MAP4: variants seen among roughly 807,000 people sequenced by gnomAD.
MAP4 encodes microtubule associated protein 4, also known as microtubule-associated protein 4.
A neutral mutation model predicts 170.2 loss-of-function variants in MAP4; 76 were observed. The ratio of observed to expected loss-of-function variants is 0.45; its 90% CI spans 0.37 to 0.54. MAP4 has a LOEUF of 0.54. Ranked by LOEUF, MAP4 falls within the 20% of genes least tolerant of loss-of-function variation. The probability of loss-of-function intolerance (pLI) is 0.00; values close to 1 mark genes in which losing one functional copy is unlikely to be tolerated. For missense variants in MAP4, 2,506 were observed against 2,748.0 expected, an observed-to-expected ratio of 0.91 and a Z score of 1.97; for synonymous variants, 909 against 994.5, an observed-to-expected ratio of 0.91 and a Z score of 1.62.
chr3:47,869,357 C>T, intron 15 of MAP4, 30 bp from the exon 16 acceptor site: 2 of 1,451,888 alleles, frequency 1.4e-6, no homozygotes, highest in South Asian at 1.1e-5. Flanking sequence ...GGGCAAATTT[C>T]AAACCAAGAG....
intron 2 of MAP4, among the ~76,000 whole-genome samples, chr3:47,984,767 G>C (rs548292985): frequency 5.1e-4 from 77 of 151,984 alleles, no homozygotes; most frequent in African/African-American, 1.8e-3. Context: ...TCAGGAGTTC[G>C]AGACTAGCCT....
Position 47,855,656 on chromosome 3 carries a change from G to A in MAP4, c.6584-296C>T, listed in dbSNP as rs1037905486. ...CAGGCTTGGGCAGGCCTGGGGCTCC[G>A]AGCACAGCCTCCAGGGCGAAGCCTC... On this transcript the variant is annotated intron_variant, in intron 18 of 20. Transcript: ENST00000683076. This position sits in a 1 kb window ranked among gnomAD's most constrained non-coding sequence, Gnocchi z 5.1. Among the ~76,000 whole-genome samples the A allele has an allele frequency of 2.0e-4, 31 of 152,300 alleles. No individual in the cohort carries two copies. The highest frequency in any genetic ancestry group is 6.7e-4 in the African/African-American group (28 of 41,570).
chr3:48,034,527 ACC>A (rs546363612), intron 1 of MAP4, among the ~76,000 whole-genome samples: 3 of 151,738 alleles, frequency 2.0e-5, no homozygotes, highest in African/African-American at 7.3e-5. Context: ...ACATAGTGAA[ACC>A]CCGTCTCTAC....
chr3:47,981,639 G>A (rs758393164), intron 2 of MAP4, among the ~76,000 whole-genome samples: 4 of 151,556 alleles, frequency 2.6e-5, no homozygotes, highest in Non-Finnish European at 5.9e-5. Context: ...GCATAGTGGC[G>A]TGTGAATCAC....
chr3:47,921,628 T>G, intron 5 of MAP4, 137 bp downstream of exon 5: 1 of 605,878 alleles, frequency 1.7e-6, no homozygotes, highest in East Asian at 2.7e-5. Flanking sequence ...ATGTACATAT[T>G]AAATTCACAT....
chr3:48,013,860 G>T (rs1416689366), intron 1 of MAP4, among the ~76,000 whole-genome samples: 1 of 152,100 alleles, frequency 6.6e-6, no homozygotes, highest in African/African-American at 2.4e-5. Context: ...CACTCTGCCA[G>T]AAAATAAGCC....
intron 1 of MAP4, among the ~76,000 whole-genome samples, chr3:48,056,941 T>G (rs866333824): frequency 1.3e-3 from 73 of 58,066 alleles, no homozygotes; most frequent in African/African-American, 3.0e-3. Flanking sequence ...AGGTGGGGGG[T>G]TCAGCCCCCC....
rs77197843 is a variant in MAP4 at position 47,903,623 on chromosome 3, C to G, written c.5384-623G>C. 2.3e-3 allele frequency among the ~76,000 whole-genome samples: 352 copies of G among 152,028 alleles called. 1 individual carries two copies. The highest frequency in any genetic ancestry group is 6.9e-3 in the Middle Eastern group (2 of 288). ...AATCTTCCCTGCCTGGAAGAACATGCATAGTATGCAAAGAAACCTTCTGTT... is the reference window on the plus strand; with the variant it reads ...AATCTTCCCTGCCTGGAAGAACATGGATAGTATGCAAAGAAACCTTCTGTT... On this transcript the variant is annotated intron_variant, in intron 9 of 20. Coordinates refer to ENST00000683076, the MANE Select transcript of MAP4 (RefSeq NM_001385682.1).
chr3:48,061,011 A>AT (rs1301372914), intron 1 of MAP4, among the ~76,000 whole-genome samples: 2 of 151,454 alleles, frequency 1.3e-5, no homozygotes, highest in Non-Finnish European at 2.9e-5. Flanking sequence ...CGCCCGGCTA[A>AT]TTTTTTTGTA....
At chr3:48,054,307 A>C (rs2100129457) in intron 1 of MAP4, among the ~76,000 whole-genome samples, 1 of 151,416 alleles carries the variant, frequency 6.6e-6, no homozygotes, top group Non-Finnish European at 1.5e-5. Context: ...AAAAAACAAA[A>C]AAAACAAAAA....
chr3:47,940,016 T>C (rs1311888278), intron 3 of MAP4, among the ~76,000 whole-genome samples: 2 of 152,072 alleles, frequency 1.3e-5, no homozygotes, highest in Non-Finnish European at 2.9e-5. Context: ...TTTTGTACTT[T>C]TAGTGGAGAC....
intron 19 of MAP4, among the ~76,000 whole-genome samples, chr3:47,853,667 T>C (rs2149610468): frequency 6.6e-6 from 1 of 152,270 alleles, no homozygotes; most frequent in Admixed American, 6.5e-5. Flanking sequence ...ACCAAAGACG[T>C]AGCCATGACA....
At chr3:47,899,517 C>T (rs1412094516) in intron 10 of MAP4, among the ~76,000 whole-genome samples, 1 of 152,198 alleles carries the variant, frequency 6.6e-6, no homozygotes, top group African/African-American at 2.4e-5. Flanking sequence ...TTTATATTAT[C>T]ATAATACTCT....
At chr3:48,046,417 C>T (rs1411764067) in intron 1 of MAP4, among the ~76,000 whole-genome samples, 1 of 152,162 alleles carries the variant, frequency 6.6e-6, no homozygotes, top group Non-Finnish European at 1.5e-5. Context: ...ATTATTTAAC[C>T]AAACCATGGT....
chr3:48,018,669 G>A (rs955045161), upstream of MAP4, among the ~76,000 whole-genome samples: 6 of 152,074 alleles, frequency 3.9e-5, no homozygotes, highest in Non-Finnish European at 8.8e-5. Flanking sequence ...CGGGCGTGGT[G>A]GTGTGCACCT....
At chr3:47,867,119 C>A in intron 17 of MAP4, 127 bp downstream of exon 17, 1 of 642,570 alleles carries the variant, frequency 1.6e-6, no homozygotes, top group Non-Finnish European at 2.7e-6. Flanking sequence ...CTTTGCTAGT[C>A]TGCTTCTTAC....
At position 47,928,248 on chromosome 3, in the gene MAP4, A is replaced by G. The variant is rs758405203; in HGVS notation, c.395T>C (p.Val132Ala). ...DTNFCFQPEQ[V>A]VDPIQTDPFK... ...CTTACCAGTCTGGATAGGATCGACC[A>G]CTTGCTCAGGTTGGAAACAAAAGTT... Residue 132 changes from valine to alanine, a missense_variant, in exon 4 of 21, where the codon GTG (valine) becomes GCG (alanine). This residue lies in a region of MAP4 where 2,008 missense variants were observed against 2,206.0 expected (regional missense o/e 0.91). Coordinates refer to ENST00000683076, the MANE Select transcript of MAP4 (RefSeq NM_001385682.1). 9 of 1,614,196 alleles carry G rather than the reference A, an allele frequency of 5.6e-6. No individual in the cohort carries two copies. Among genetic ancestry groups the G allele is most frequent in the Non-Finnish European group, 7.6e-6 (9 of 1,180,034 alleles).
At chr3:48,002,352 G>A (rs2100099662) in intron 1 of MAP4, among the ~76,000 whole-genome samples, 2 of 151,904 alleles carry the variant, frequency 1.3e-5, no homozygotes, top group African/African-American at 4.8e-5. Flanking sequence ...CTTGAGACTA[G>A]GAATTCAAGA....
chr3:48,034,765 C>G (rs1351084309), intron 1 of MAP4, among the ~76,000 whole-genome samples: 1 of 152,078 alleles, frequency 6.6e-6, no homozygotes, highest in Non-Finnish European at 1.5e-5. Context: ...GTAATCCCAG[C>G]ACTTTGTGAG....
Sources: allele counts gnomAD v4.1 joint callset (sites outside exome capture counted in the v4.1 genomes callset), GRCh38; gene constraint gnomAD v4.1.1; regional missense constraint gnomAD v4.1.1; non-coding constraint Gnocchi (gnomAD v3.1); transcripts MANE v1.5; gene names NCBI Gene and HGNC (gene_info 2026-07-23, HGNC 2026-07-21).